The following NRXN1 variants were observed in gnomAD, a reference collection of about 807,000 sequenced individuals.
NRXN1 encodes neurexin 1, also known as neurexin-1.
A neutral mutation model predicts 150.9 loss-of-function variants in NRXN1; 39 were observed. The ratio of observed to expected loss-of-function variants is 0.26; its 90% confidence interval spans 0.20 to 0.34. The LOEUF is 0.34. Among genes scored for constraint, NRXN1 ranks in the 10% least tolerant of loss-of-function variants. The pLI is 1.00. For synonymous variants in NRXN1, 924 were observed against 757.0 expected (o/e 1.22, Z -3.62); for missense variants, 1,815 against 1,949.9 (o/e 0.93, Z 1.30).
At chr2:50,472,829 GTATATATATA>G (rs375129044) in intron 15 of NRXN1, among the ~76,000 whole-genome samples, 2 of 79,744 alleles carry the variant, frequency 2.5e-5, no homozygotes, top group African/African-American at 7.0e-5. Flanking sequence ...GTGTGTGTGT[GTATATATATA>G]TATAAGTTTC....
At chr2:50,016,427 G>C (rs1448404172) in intron 21 of NRXN1, 1 of 152,090 alleles carries the variant, frequency 6.6e-6, no homozygotes, top group African/African-American at 2.4e-5. Flanking sequence ...GTATTATTCT[G>C]TTCTCACCCT....
chr2:50,953,956 T>C (rs1011250704), intron 2 of NRXN1, among the ~76,000 whole-genome samples: 1 of 152,100 alleles, frequency 6.6e-6, no homozygotes, highest in African/African-American at 2.4e-5. Context: ...AGAGACCAAT[T>C]GAATAAAAAA....
intron 2 of NRXN1, among the ~76,000 whole-genome samples, chr2:51,010,442 T>A (rs1174479632): frequency 6.6e-6 from 1 of 152,032 alleles, no homozygotes; most frequent in Non-Finnish European, 1.5e-5. Flanking sequence ...ACCTCATTCA[T>A]GTTATATTGT....
intron 8 of NRXN1, among the ~76,000 whole-genome samples, chr2:50,614,459 C>T (rs2104143808): frequency 6.6e-6 from 1 of 151,936 alleles, no homozygotes; most frequent in Admixed American, 6.6e-5. Context: ...ATACTCTATT[C>T]CTCTCTGAGC....
chr2:50,325,942 A>G (rs2076358090), intron 17 of NRXN1, among the ~76,000 whole-genome samples: 1 of 152,224 alleles, frequency 6.6e-6, no homozygotes, highest in Non-Finnish European at 1.5e-5. Context: ...TTAACATTTC[A>G]AAAGAAAACA....
chr2:50,700,804 AT>A (rs34882608), intron 5 of NRXN1, among the ~76,000 whole-genome samples: 28,042 of 144,028 alleles, frequency 0.19, 2,739 homozygotes, highest in African/African-American at 0.28. Flanking sequence ...TGGGATCAAG[AT>A]TTTTTTTTTT....
chr2:50,066,162 T>C (rs1695328834), intron 19 of NRXN1, among the ~76,000 whole-genome samples: 1 of 152,140 alleles, frequency 6.6e-6, no homozygotes, highest in South Asian at 2.1e-4. Context: ...GGCTAGATGT[T>C]AGAAAAGCAA....
chr2:50,833,519 T>A (rs2105897497), intron 5 of NRXN1, among the ~76,000 whole-genome samples: 1 of 152,206 alleles, frequency 6.6e-6, no homozygotes, highest in African/African-American at 2.4e-5. Flanking sequence ...ATCTCAAAGG[T>A]CAAGCTGACA....
intron 17 of NRXN1, among the ~76,000 whole-genome samples, chr2:50,345,579 T>A (rs572744561): frequency 6.6e-6 from 1 of 151,926 alleles, no homozygotes; most frequent in Non-Finnish European, 1.5e-5. Context: ...AAATTGGGAG[T>A]GGGGAACGAC....
chr2:50,583,270 G>A (rs1672580324), intron 8 of NRXN1, among the ~76,000 whole-genome samples: 1 of 152,022 alleles, frequency 6.6e-6, no homozygotes, highest in Non-Finnish European at 1.5e-5. Flanking sequence ...TCAAACTTGT[G>A]AGCTCAAGAG....
chr2:50,128,983 CAATA>C (rs1553641018), intron 18 of NRXN1, among the ~76,000 whole-genome samples: 3,860 of 146,810 alleles, frequency 0.026, 148 homozygotes, highest in African/African-American at 0.089. Flanking sequence ...GACTCCATCT[CAATA>C]AATAAATAAA....
At chr2:49,991,081 C>G (rs1360055324) in intron 21 of NRXN1, among the ~76,000 whole-genome samples, 1 of 151,842 alleles carries the variant, frequency 6.6e-6, no homozygotes, top group African/African-American at 2.4e-5. Flanking sequence ...AGAAAACTTC[C>G]TCAAATTGAT....
At chr2:50,835,737 C>G (rs1193618630) in intron 5 of NRXN1, among the ~76,000 whole-genome samples, 1 of 152,116 alleles carries the variant, frequency 6.6e-6, no homozygotes, top group Non-Finnish European at 1.5e-5. Context: ...TTTATTTATG[C>G]TATGCAAGTA....
chr2:49,932,820 T>C (rs1488011672), intron 22 of NRXN1, among the ~76,000 whole-genome samples: 1 of 152,196 alleles, frequency 6.6e-6, no homozygotes, highest in African/African-American at 2.4e-5. Context: ...TTTCATCTAA[T>C]TTATTTCTCA....
At position 50,181,852 on chromosome 2, in the gene NRXN1, G is replaced by C. The variant is rs73932977; in HGVS notation, c.3546+54937C>G. Among the ~76,000 whole-genome samples, 1,284 of 152,126 alleles carry C rather than the reference G, an allele frequency of 8.4e-3. 19 individuals carry two copies. The highest frequency in any genetic ancestry group is 0.03 in the African/African-American group (1,229 of 41,516). ...TCCATCAGATTATCATGGAAAACGA[G>C]CATTGTTGTATGAACGTTTTTGTGA... is the stretch of plus-strand genomic sequence containing the variant. On this transcript the variant is annotated intron_variant, in intron 18 of 22. Transcript: ENST00000401669.
intron 18 of NRXN1, among the ~76,000 whole-genome samples, chr2:50,150,865 C>T (rs887430493): frequency 6.6e-6 from 1 of 151,692 alleles, no homozygotes; most frequent in Non-Finnish European, 1.5e-5. Flanking sequence ...AAACACAGTA[C>T]CTTACCTCCC....
chr2:50,671,770 T>C (rs1688887549), intron 5 of NRXN1, among the ~76,000 whole-genome samples: 2 of 151,874 alleles, frequency 1.3e-5, no homozygotes, highest in African/African-American at 4.8e-5. Flanking sequence ...TATTTTGCTA[T>C]TTTGTTAAGC....
intron 5 of NRXN1, among the ~76,000 whole-genome samples, chr2:50,767,265 T>C (rs575466215): frequency 6.6e-6 from 1 of 152,204 alleles, no homozygotes; most frequent in East Asian, 1.9e-4. Flanking sequence ...ACTAATTTAA[T>C]TGATTTATAC....
At chr2:50,160,777 C>T (rs899847679) in intron 18 of NRXN1, among the ~76,000 whole-genome samples, 5 of 151,936 alleles carry the variant, frequency 3.3e-5, no homozygotes, top group African/African-American at 1.2e-4. Flanking sequence ...TCATTTGTTG[C>T]AATAAAATAA....
Sources: gnomAD v4.1 joint callset for allele counts (sites outside exome capture counted in the v4.1 genomes callset) on GRCh38, gnomAD v4.1.1 for gene constraint, MANE v1.5 for transcripts, NCBI Gene and HGNC (gene_info 2026-07-23, HGNC 2026-07-21) for gene names.